DLGAP2: variants seen among roughly 807,000 people sequenced by gnomAD.
DLGAP2 encodes the protein DLG associated protein 2, also known as disks large-associated protein 2.
A neutral mutation model predicts 100.3 loss-of-function variants in DLGAP2; 26 were observed. The observed-to-expected ratio is 0.26, with a 90% CI of 0.19 to 0.36. The LOEUF is 0.36. Ranked by LOEUF, DLGAP2 falls within the 10% of genes least tolerant of loss-of-function variation. The pLI is 1.00. For missense variants in DLGAP2, 1,858 were observed against 1,453.2 expected, an observed-to-expected ratio of 1.28 and a Z score of -4.53; for synonymous variants, 886 against 630.1, an observed-to-expected ratio of 1.41 and a Z score of -6.08.
chr8:1,147,715 G>T (rs1796632131), intron 2 of DLGAP2, among the ~76,000 whole-genome samples: 1 of 151,836 alleles, frequency 6.6e-6, no homozygotes, highest in Non-Finnish European at 1.5e-5. Context: ...CAGAGACAGG[G>T]TCTTGCTGTG....
chr8:982,039 T>C (rs1465906587), intron 2 of DLGAP2, among the ~76,000 whole-genome samples: 1 of 152,234 alleles, frequency 6.6e-6, no homozygotes, highest in African/African-American at 2.4e-5. Context: ...TTAAACTTGC[T>C]TTGCTCCTGG....
chr8:1,677,565 C>A (rs887872040), intron 11 of DLGAP2, among the ~76,000 whole-genome samples: 1 of 152,176 alleles, frequency 6.6e-6, no homozygotes, highest in African/African-American at 2.4e-5. Context: ...AGCATACCCA[C>A]GTGCACACAC....
At chr8:1,134,541 T>TTAAC (rs756215441) in intron 2 of DLGAP2, among the ~76,000 whole-genome samples, 1 of 131,782 alleles carries the variant, frequency 7.6e-6, no homozygotes, top group Non-Finnish European at 1.6e-5. Context: ...CATTAATTAA[T>TTAAC]GATAGAACTT....
intron 2 of DLGAP2, among the ~76,000 whole-genome samples, chr8:1,154,666 G>A (rs1205144525): frequency 6.6e-6 from 1 of 152,172 alleles, no homozygotes. Context: ...CCACGGAAGA[G>A]GCCGGGACTA....
At chr8:1,186,268 G>A (rs1797501881) in intron 2 of DLGAP2, among the ~76,000 whole-genome samples, 1 of 152,254 alleles carries the variant, frequency 6.6e-6, no homozygotes, top group Non-Finnish European at 1.5e-5. Context: ...AGAGGGCCGA[G>A]CATCTGCGAA....
intron 2 of DLGAP2, among the ~76,000 whole-genome samples, chr8:1,241,179 G>A (rs79720385): frequency 0.092 from 936 of 10,126 alleles, 49 homozygotes; most frequent in African/African-American, 0.18. Flanking sequence ...ACGTGGCGCC[G>A]TGTCTCGTTC....
intron 2 of DLGAP2, among the ~76,000 whole-genome samples, chr8:1,134,638 C>T (rs1796366374): frequency 6.6e-6 from 1 of 152,086 alleles, no homozygotes; most frequent in African/African-American, 2.4e-5. Context: ...TTTCACACTG[C>T]TATAAAGAAC....
chr8:1,483,664 G>GTAGGGAGGCAGGTGCAGGAGGTGGGGAC, intron 3 of DLGAP2, among the ~76,000 whole-genome samples: 1 of 122,056 alleles, frequency 8.2e-6, no homozygotes, highest in East Asian at 2.5e-4. Context: ...TCTACACAGA[G>GTAGGGAGGCAGGTGCAGGAGGTGGGGAC]CAGGGAGGCA....
At chr8:1,082,353 G>A (rs1047738435) in intron 2 of DLGAP2, among the ~76,000 whole-genome samples, 7 of 151,930 alleles carry the variant, frequency 4.6e-5, no homozygotes, top group South Asian at 2.1e-4. Flanking sequence ...CCATTTCTAC[G>A]TTTTCTTTAT....
intron 12 of DLGAP2, among the ~76,000 whole-genome samples, chr8:1,679,862 C>A (rs191885725): frequency 1.3e-5 from 2 of 151,826 alleles, no homozygotes; most frequent in East Asian, 3.9e-4. Context: ...TACCTGTAAT[C>A]CTAGCTATTT....
chr8:1,347,059 T>G (rs1224399931), intron 3 of DLGAP2, among the ~76,000 whole-genome samples: 1 of 150,458 alleles, frequency 6.6e-6, no homozygotes, highest in Non-Finnish European at 1.5e-5. Context: ...GTGCGGAGGA[T>G]GAGTTCCACA....
At chr8:1,496,306 G>T (rs996259770) in intron 3 of DLGAP2, among the ~76,000 whole-genome samples, 1 of 152,042 alleles carries the variant, frequency 6.6e-6, no homozygotes, top group Non-Finnish European at 1.5e-5. Context: ...AGGGCCTCGT[G>T]GGGGCGCCGA....
intron 6 of DLGAP2, among the ~76,000 whole-genome samples, chr8:1,619,509 C>G (rs545335994): frequency 6.7e-4 from 102 of 152,134 alleles, no homozygotes; most frequent in Middle Eastern, 3.4e-3. Context: ...GTAAGTTTAC[C>G]TTGTTCTTTT....
chr8:972,740 G>A (rs562529286), intron 2 of DLGAP2, among the ~76,000 whole-genome samples: 2 of 152,222 alleles, frequency 1.3e-5, no homozygotes, highest in Non-Finnish European at 2.9e-5. Context: ...AAAGATCTCT[G>A]GTTTTCCTAG....
chr8:1,346,340 C>T (rs1449332213), intron 3 of DLGAP2, among the ~76,000 whole-genome samples: 1 of 151,418 alleles, frequency 6.6e-6, no homozygotes, highest in Admixed American at 6.6e-5. Flanking sequence ...CCATACACAT[C>T]TGCATTGCTC....
At chr8:1,573,840 A>G (rs1339346593) in intron 6 of DLGAP2, among the ~76,000 whole-genome samples, 7 of 152,200 alleles carry the variant, frequency 4.6e-5, no homozygotes, top group Non-Finnish European at 8.8e-5. Context: ...GGCAGACCCT[A>G]GAATACTTAC....
intron 2 of DLGAP2, among the ~76,000 whole-genome samples, chr8:1,153,176 C>G (rs978395485): frequency 6.6e-6 from 1 of 152,142 alleles, no homozygotes; most frequent in Admixed American, 6.5e-5. Context: ...AGTTTCCAGG[C>G]TCCGAGCGGT....
intron 3 of DLGAP2, among the ~76,000 whole-genome samples, chr8:1,380,748 G>C (rs578033443): frequency 6.6e-6 from 1 of 152,044 alleles, no homozygotes; most frequent in South Asian, 2.1e-4. Flanking sequence ...ATGACTATTG[G>C]TATTAACTGG....
rs1298804009 is a variant in DLGAP2, at chr8:1,565,540, T to G, written c.1231-143T>G. ...TTCATTTCCTTTTAGGATATGCATTTTTATACATCTGACTTTAACTGATAA... is the reference window on the plus strand; with the variant it reads ...TTCATTTCCTTTTAGGATATGCATTGTTATACATCTGACTTTAACTGATAA... On this transcript the variant is annotated intron_variant, in intron 5 of 14. Coordinates refer to ENST00000637795, the MANE Select transcript of DLGAP2 (RefSeq NM_001346810.2). 1.3e-5 allele frequency: 9 copies of G among 672,338 alleles called. No individual in the cohort carries two copies. In the East Asian group the frequency reaches 2.6e-4, roughly 19 times the overall value. 41.6% of individuals were successfully genotyped at this position (672,338 alleles called of 1,614,324 possible).
Sources: gnomAD v4.1 joint callset for allele counts (sites outside exome capture counted in the v4.1 genomes callset) on GRCh38, gnomAD v4.1.1 for gene constraint, MANE v1.5 for transcripts, NCBI Gene and HGNC (gene_info 2026-07-23, HGNC 2026-07-21) for gene names.